EML1: variants seen among roughly 807,000 people sequenced by gnomAD.
EML1 encodes the protein EMAP like 1.
Under a neutral mutation model 110.4 loss-of-function variants are expected in EML1, and 27 were observed. The observed-to-expected ratio is 0.24, with a 90% CI of 0.18 to 0.34. The LOEUF (loss-of-function observed/expected upper bound fraction) is 0.34, where lower values mean the gene tolerates loss of function less well. Among genes scored for constraint, EML1 ranks in the 10% least tolerant of loss-of-function variants. The pLI is 1.00. For missense variants in EML1, 741 were observed against 1,030.9 expected (o/e 0.72, Z 3.85); for synonymous variants, 344 against 385.8 (o/e 0.89, Z 1.27).
chr14:99,885,943 A>G (rs2059466377), intron 4 of EML1: 1 of 453,852 alleles, frequency 2.2e-6, no homozygotes. Flanking sequence ...AGCTGGCCTC[A>G]AAATCTGTGC....
chr14:99,796,072 A>G lies in EML1; in HGVS notation c.67+2529A>G, dbSNP rs141323557. On this transcript the variant is annotated intron_variant, in intron 1 of 21. Coordinates refer to ENST00000262233, the MANE Select transcript of EML1 (RefSeq NM_004434.3). Reference sequence around the variant, plus strand: ...CATGGTGGCTTGAACCTGTAATCCTAGCTACTCAGGAGGCTGAGATGGGAG... The same window carrying G: ...CATGGTGGCTTGAACCTGTAATCCTGGCTACTCAGGAGGCTGAGATGGGAG... Among the ~76,000 whole-genome samples, 21 of 152,180 alleles carry G rather than the reference A, an allele frequency of 1.4e-4. No homozygotes were observed. In the East Asian group the frequency reaches 4.1e-3, roughly 29 times the overall value.
rs1377155533 is a variant in EML1, at chr14:99,781,100, G to A, written c.-27+7087G>A. Among the ~76,000 whole-genome samples the A allele has an allele frequency of 6.6e-6, 1 of 152,004 alleles. No individual in the cohort carries two copies. The highest frequency in any genetic ancestry group is 2.4e-5 in the African/African-American group (1 of 41,376). Reference sequence around the variant, plus strand: ...CACGCGCCCCTGCCCCCAGAATACTGGTTGGGTCCAGCTCAGTCCTCTGGA... The same window carrying A: ...CACGCGCCCCTGCCCCCAGAATACTAGTTGGGTCCAGCTCAGTCCTCTGGA... On this transcript the variant is annotated intron_variant, in intron 1 of 22. Coordinates refer to the EML1 transcript ENST00000327921. The surrounding 1 kb of genome is among the most constrained non-coding windows in gnomAD (Gnocchi z 4.2).
intron 1 of EML1, among the ~76,000 whole-genome samples, chr14:99,819,246 C>T (rs1419855180): frequency 3.9e-5 from 6 of 152,264 alleles, no homozygotes; most frequent in East Asian, 1.9e-4. Context: ...TGAGCCACTG[C>T]GCCTGGCCAG....
chr14:99,800,869 G>A lies in EML1; in HGVS notation c.67+7326G>A, dbSNP rs529915073. 3.9e-5 allele frequency among the ~76,000 whole-genome samples: 6 copies of A among 152,320 alleles called. No individual in the cohort carries two copies. The South Asian group carries it at 1.2e-3, about 32-fold the overall frequency. On this transcript the variant is annotated intron_variant, in intron 1 of 21. Coordinates refer to ENST00000262233, the MANE Select transcript of EML1 (RefSeq NM_004434.3). ...AATAAACCATCCCCACAGTGTAGGG[G>A]CAGGTTCGACCTATAGACTTGGGTG...
intron 1 of EML1, among the ~76,000 whole-genome samples, chr14:99,749,672 A>T (rs1404693056): frequency 6.6e-6 from 1 of 152,156 alleles, no homozygotes; most frequent in African/African-American, 2.4e-5. Context: ...GTGAGCCCCA[A>T]ACCCATGTAG....
chr14:99,854,064 C>T (rs1029664471), intron 2 of EML1, among the ~76,000 whole-genome samples: 5 of 152,188 alleles, frequency 3.3e-5, no homozygotes, highest in Non-Finnish European at 7.3e-5. Flanking sequence ...TTTGGGTGTA[C>T]AGCTTTTGCT....
chr14:99,911,360 A>T, intron 12 of EML1, 62 bp from the exon 13 acceptor site: 1 of 1,524,746 alleles, frequency 6.6e-7, no homozygotes, highest in East Asian at 2.4e-5. Flanking sequence ...AGATGAGATT[A>T]GAAAATGGGC....
intron 6 of EML1, among the ~76,000 whole-genome samples, chr14:99,896,822 T>C (rs899071816): frequency 6.6e-6 from 1 of 152,100 alleles, no homozygotes; most frequent in African/African-American, 2.4e-5. Flanking sequence ...TTTACCATGT[T>C]TAAAAAAGGA....
intron 14 of EML1, 32 bp downstream of exon 14, chr14:99,914,336 C>T: frequency 6.3e-7 from 1 of 1,595,568 alleles, no homozygotes; most frequent in Non-Finnish European, 8.6e-7. Flanking sequence ...CCGGCAAACA[C>T]TCTCATTTTG....
chr14:99,800,541 T>C (rs1453421187), intron 1 of EML1, among the ~76,000 whole-genome samples: 1 of 152,066 alleles, frequency 6.6e-6, no homozygotes, highest in Non-Finnish European at 1.5e-5. Flanking sequence ...TTTAAAAAAA[T>C]TTTTTAGAGA....
intron 13 of EML1, among the ~76,000 whole-genome samples, chr14:99,913,915 C>A (rs1030402403): frequency 3.3e-5 from 5 of 152,126 alleles, no homozygotes; most frequent in African/African-American, 1.2e-4. Context: ...GTCTCCAACT[C>A]CTGACCTCAG....
intron 1 of EML1, among the ~76,000 whole-genome samples, chr14:99,822,769 G>T (rs74084771): frequency 6.6e-6 from 1 of 152,096 alleles, no homozygotes; most frequent in Non-Finnish European, 1.5e-5. Context: ...TGCCTGCAGG[G>T]GGTGGCAGTA....
At chr14:99,771,527 C>T (rs2057428275), upstream of EML1, among the ~76,000 whole-genome samples, 1 of 152,202 alleles carries the variant, frequency 6.6e-6, no homozygotes, top group Non-Finnish European at 1.5e-5. Context: ...AATACTTCTG[C>T]CAGGCTGGGC....
At chr14:99,854,941 A>G (rs2058876656) in intron 2 of EML1, among the ~76,000 whole-genome samples, 1 of 152,208 alleles carries the variant, frequency 6.6e-6, no homozygotes, top group South Asian at 2.1e-4. Context: ...AAATACAGAC[A>G]AATGATGGAT....
chr14:99,936,789 A>G lies in EML1; in HGVS notation c.2095+455A>G, dbSNP rs1235992562. 6.6e-6 allele frequency among the ~76,000 whole-genome samples: 1 copy of G among 151,964 alleles called. No homozygotes were observed. Among genetic ancestry groups the G allele is most frequent in the African/African-American group, 2.4e-5 (1 of 41,380 alleles). On this transcript the variant is annotated intron_variant, in intron 19 of 21. Coordinates refer to ENST00000262233, the MANE Select transcript of EML1 (RefSeq NM_004434.3). The surrounding 1 kb of genome is among the most constrained non-coding windows in gnomAD (Gnocchi z 5.5). ...CCCCTCCTCCTCCCCTCCCAACCTG[A>G]CCCTGGCCAGTCTCTGGGCCCAGGC...
intron 17 of EML1, among the ~76,000 whole-genome samples, chr14:99,923,922 G>A (rs2060185764): frequency 6.6e-6 from 1 of 152,234 alleles, no homozygotes; most frequent in African/African-American, 2.4e-5. Flanking sequence ...CCAAAGTGTT[G>A]GGATTACAGG....
chr14:99,798,929 A>G (rs2057825966), intron 1 of EML1, among the ~76,000 whole-genome samples: 1 of 152,136 alleles, frequency 6.6e-6, no homozygotes, highest in South Asian at 2.1e-4. Flanking sequence ...TAATCCCAGC[A>G]CTTACTAAGA....
At chr14:99,922,978 C>G (rs1321966517) in intron 17 of EML1, among the ~76,000 whole-genome samples, 1 of 152,168 alleles carries the variant, frequency 6.6e-6, no homozygotes, top group Non-Finnish European at 1.5e-5. Context: ...GCATCTCACT[C>G]TGTCACCCAG....
intron 2 of EML1, among the ~76,000 whole-genome samples, chr14:99,865,266 T>A (rs763036347): frequency 1.4e-4 from 22 of 152,288 alleles, no homozygotes; most frequent in Middle Eastern, 6.8e-3. Context: ...ATCCCTCGCA[T>A]GCACAGTTCA....
Sources: allele counts gnomAD v4.1 joint callset (sites outside exome capture counted in the v4.1 genomes callset), GRCh38; gene constraint gnomAD v4.1.1; non-coding constraint Gnocchi (gnomAD v3.1); transcripts MANE v1.5; gene names NCBI Gene and HGNC (gene_info 2026-07-23, HGNC 2026-07-21).